Variants in AUTS2 observed in about 807,000 individuals in gnomAD.
The protein encoded by AUTS2 is autism susceptibility gene 2 protein.
AUTS2 carries 17 observed loss-of-function variants against 112.4 expected under a neutral mutation model. That is an observed-to-expected ratio of 0.15 (90% CI 0.10 to 0.23). The LOEUF is 0.23. Ranked by LOEUF, AUTS2 falls within the 10% of genes least tolerant of loss-of-function variation. The probability of loss-of-function intolerance (pLI) is 1.00; values close to 1 mark genes in which losing one functional copy is unlikely to be tolerated. For synonymous variants in AUTS2, 751 were observed against 702.7 expected (o/e 1.07, Z -1.09); for missense variants, 1,510 against 1,701.6 (o/e 0.89, Z 1.98).
intron 1 of AUTS2, among the ~76,000 whole-genome samples, chr7:69,776,511 G>A (rs1452881561): frequency 6.6e-6 from 1 of 152,112 alleles, no homozygotes; most frequent in Non-Finnish European, 1.5e-5. Flanking sequence ...GAACTCCTGG[G>A]CTCCGGTGAG....
chr7:70,548,134 G>A (rs1387744875), intron 5 of AUTS2, among the ~76,000 whole-genome samples: 2 of 151,958 alleles, frequency 1.3e-5, no homozygotes, highest in Admixed American at 6.6e-5. Flanking sequence ...TCACCTTGTC[G>A]ATTTCTACCC....
At chr7:70,027,033 T>C (rs903951069) in intron 2 of AUTS2, among the ~76,000 whole-genome samples, 1 of 152,204 alleles carries the variant, frequency 6.6e-6, no homozygotes, top group Non-Finnish European at 1.5e-5. Context: ...TTCAGTACTT[T>C]ATTATAAAAT....
At chr7:70,773,324 T>C (rs1432628985) in intron 11 of AUTS2, among the ~76,000 whole-genome samples, 3 of 152,122 alleles carry the variant, frequency 2.0e-5, no homozygotes, top group Non-Finnish European at 2.9e-5. Flanking sequence ...CCACTAGAAA[T>C]AGTGATTGTG....
intron 5 of AUTS2, among the ~76,000 whole-genome samples, chr7:70,587,163 AC>A (rs1206295226): frequency 1.3e-5 from 2 of 151,626 alleles, no homozygotes; most frequent in African/African-American, 2.4e-5. Context: ...TGCAGCATCA[AC>A]CCCCCTGGAC....
At chr7:70,501,352 A>G (rs1260309335) in intron 5 of AUTS2, among the ~76,000 whole-genome samples, 1 of 152,192 alleles carries the variant, frequency 6.6e-6, no homozygotes. Flanking sequence ...TTGTGGAAAC[A>G]GGGGCATTAA....
At chr7:69,922,012 C>G (rs541661544) in intron 2 of AUTS2, among the ~76,000 whole-genome samples, 4 of 151,842 alleles carry the variant, frequency 2.6e-5, no homozygotes, top group Non-Finnish European at 5.9e-5. Flanking sequence ...TGCAGTGAGC[C>G]GAGATCACGC....
intron 4 of AUTS2, among the ~76,000 whole-genome samples, chr7:70,334,462 T>C (rs560600439): frequency 6.6e-6 from 1 of 152,214 alleles, no homozygotes; most frequent in African/African-American, 2.4e-5. Flanking sequence ...TCTGCAGAGA[T>C]TAGTGCACAA....
intron 14 of AUTS2, 25 bp downstream of exon 14, chr7:70,777,199 G>C (rs770295212): frequency 1.2e-6 from 2 of 1,602,224 alleles, no homozygotes; most frequent in Non-Finnish European, 1.7e-6. Flanking sequence ...CGTGGTGTAG[G>C]GAAGAATGGG....
chr7:69,668,276 G>T (rs571778174), intron 1 of AUTS2, among the ~76,000 whole-genome samples: 1 of 152,128 alleles, frequency 6.6e-6, no homozygotes, highest in South Asian at 2.1e-4. Flanking sequence ...GTTCCATTTT[G>T]GTATGTGAAA....
intron 4 of AUTS2, among the ~76,000 whole-genome samples, chr7:70,207,744 G>A (rs571691557): frequency 1.4e-4 from 22 of 152,262 alleles, no homozygotes; most frequent in African/African-American, 5.3e-4. Flanking sequence ...GGGCATGGTG[G>A]CTCACGCCTG....
chr7:70,514,082 C>T (rs1467282583), intron 5 of AUTS2, among the ~76,000 whole-genome samples: 1 of 152,168 alleles, frequency 6.6e-6, no homozygotes, highest in Non-Finnish European at 1.5e-5. Context: ...TTCTTGGCTA[C>T]ATAATATGTT....
chr7:70,008,692 G>T (rs1799655900), intron 2 of AUTS2, among the ~76,000 whole-genome samples: 2 of 152,158 alleles, frequency 1.3e-5, no homozygotes, highest in Admixed American at 1.3e-4. Context: ...AAAATTAAAG[G>T]AAGTAAAACG....
chr7:70,503,122 C>A lies in AUTS2; in HGVS notation c.690+67341C>A, dbSNP rs1039647889. On this transcript the variant is annotated intron_variant, in intron 5 of 18. Transcript: ENST00000342771. Reference sequence around the variant, plus strand: ...CGAGGTAGCAGCACCCATAGGTGTGCCTGTGCACTGGGTGCAGCTAGTCGG... The same window carrying A: ...CGAGGTAGCAGCACCCATAGGTGTGACTGTGCACTGGGTGCAGCTAGTCGG... Among the ~76,000 whole-genome samples, 12 of 152,052 alleles carry A rather than the reference C, an allele frequency of 7.9e-5. 1 individual carries two copies. The highest frequency in any genetic ancestry group is 3.9e-4 in the Admixed American group (6 of 15,262).
chr7:70,415,596 C>A (rs1794956314), intron 4 of AUTS2, among the ~76,000 whole-genome samples: 1 of 152,156 alleles, frequency 6.6e-6, no homozygotes, highest in Non-Finnish European at 1.5e-5. Flanking sequence ...ATCTGGTGAT[C>A]TGTAGTGTTT....
intron 5 of AUTS2, among the ~76,000 whole-genome samples, chr7:70,540,613 G>C (rs1335176746): frequency 6.6e-6 from 1 of 152,138 alleles, no homozygotes; most frequent in Non-Finnish European, 1.5e-5. Flanking sequence ...TCCCCACTTG[G>C]GTTTCCATCG....
chr7:70,122,922 C>G (rs940596551), intron 3 of AUTS2, among the ~76,000 whole-genome samples: 9 of 146,060 alleles, frequency 6.2e-5, no homozygotes, highest in African/African-American at 2.3e-4. Context: ...GTTGCTCAGC[C>G]TGGAGTGCAG....
intron 1 of AUTS2, among the ~76,000 whole-genome samples, chr7:69,684,861 G>A (rs1796991921): frequency 6.6e-6 from 1 of 152,192 alleles, no homozygotes; most frequent in South Asian, 2.1e-4. Context: ...GAGTTGTTGT[G>A]AGATGGATTT....
chr7:70,129,623 G>A (rs1019673688), intron 3 of AUTS2, among the ~76,000 whole-genome samples: 1 of 152,142 alleles, frequency 6.6e-6, no homozygotes, highest in African/African-American at 2.4e-5. Flanking sequence ...TAAAAGGATT[G>A]GAGTTGTAGT....
intron 6 of AUTS2, among the ~76,000 whole-genome samples, chr7:70,716,430 G>A (rs1242934218): frequency 6.6e-6 from 1 of 152,024 alleles, no homozygotes; most frequent in Non-Finnish European, 1.5e-5. Flanking sequence ...TCAGGAGATT[G>A]AGACCATCCT....
Sources: gnomAD v4.1 joint callset for allele counts (sites outside exome capture counted in the v4.1 genomes callset) on GRCh38, gnomAD v4.1.1 for gene constraint, MANE v1.5 for transcripts, NCBI Gene and HGNC (gene_info 2026-07-23, HGNC 2026-07-21) for gene names.